NHSL1: variants seen among roughly 807,000 people sequenced by gnomAD.
The protein encoded by NHSL1 is NHS like 1, also known as NHS-like protein 1.
Under a neutral mutation model 95.0 loss-of-function variants are expected in NHSL1, and 48 were observed. The observed-to-expected ratio is 0.51, with a 90% CI of 0.40 to 0.64. The LOEUF is 0.64. Among genes scored for constraint, NHSL1 ranks in the 30% least tolerant of loss-of-function variants. The pLI, the probability that NHSL1 is intolerant of heterozygous loss-of-function variation, is 0.00. For synonymous variants in NHSL1, 783 were observed against 833.9 expected (o/e 0.94, Z 1.05); for missense variants, 1,971 against 2,077.7 (o/e 0.95, Z 1.00).
intron 1 of NHSL1, among the ~76,000 whole-genome samples, chr6:138,661,254 C>T (rs897700531): frequency 6.6e-6 from 1 of 152,070 alleles, no homozygotes; most frequent in African/African-American, 2.4e-5. Flanking sequence ...AAACTGTATA[C>T]CCTTTGACCA....
At chr6:138,535,451 C>G (rs1215981201) in intron 1 of NHSL1, among the ~76,000 whole-genome samples, 1 of 152,058 alleles carries the variant, frequency 6.6e-6, no homozygotes. Context: ...GTAGTCCCAG[C>G]TATTCAAGAA....
chr6:138,601,350 G>A (rs1357141449), intron 1 of NHSL1, among the ~76,000 whole-genome samples: 1 of 152,168 alleles, frequency 6.6e-6, no homozygotes, highest in African/African-American at 2.4e-5. Flanking sequence ...AACACTGCTG[G>A]CAATCTGTTA....
In NHSL1 at chr6:138,436,728, C is replaced by T. The variant is rs561804686; in HGVS notation, c.665-3048G>A. ...GAGGAGTCAATGCCTGTCTTCAAAG[C>T]TTCAAAGGACAAATTGACTCTTGTT... On this transcript the variant is annotated intron_variant, in intron 5 of 7. Transcript: ENST00000343505. Among the ~76,000 whole-genome samples the T allele has an allele frequency of 2.6e-5, 4 of 152,326 alleles. No homozygotes were observed. The East Asian group carries it at 7.7e-4, about 29-fold the overall frequency.
chr6:138,468,017 G>A (rs556561361), intron 3 of NHSL1, among the ~76,000 whole-genome samples: 1 of 152,222 alleles, frequency 6.6e-6, no homozygotes, highest in African/African-American at 2.4e-5. Context: ...CAGAGTGCTG[G>A]GATTACAGGT....
intron 1 of NHSL1, among the ~76,000 whole-genome samples, chr6:138,660,136 G>A (rs756954876): frequency 2.0e-5 from 3 of 152,208 alleles, no homozygotes; most frequent in Non-Finnish European, 4.4e-5. Context: ...ATGAGCTCCA[G>A]TGGCTTAACC....
Position 138,432,072 on chromosome 6 carries a change from G to A in NHSL1, c.2273C>T (p.Ser758Phe). ...CTGCGATGGCGTGGCCCCGCACAGGGAGTAGACATTGGGGGTGGTGGCGGA... is the reference window on the plus strand; with the variant it reads ...CTGCGATGGCGTGGCCCCGCACAGGAAGTAGACATTGGGGGTGGTGGCGGA... Reference protein sequence around the residue: ...MTSATTPNVYSLCGATPSQSD... With the variant: ...MTSATTPNVYFLCGATPSQSD... The change falls in exon 6 of 8, where the codon TCC becomes TTC. Residue 758 changes from serine (S) to phenylalanine (F), a missense_variant. Coordinates refer to ENST00000343505, the MANE Select transcript of NHSL1 (RefSeq NM_001144060.2). The surrounding 1 kb of genome is among the most constrained non-coding windows in gnomAD (Gnocchi z 4.4). 6.4e-7 allele frequency: 1 copy of A among 1,551,694 alleles called. No homozygotes were observed. The highest frequency in any genetic ancestry group is 8.7e-7 in the Non-Finnish European group (1 of 1,146,982).
intron 1 of NHSL1, among the ~76,000 whole-genome samples, chr6:138,580,548 T>G (rs955962125): frequency 4.6e-5 from 7 of 152,262 alleles, no homozygotes; most frequent in Admixed American, 4.6e-4. Context: ...TTTGCCAGTT[T>G]CCATGATATA....
At chr6:138,604,200 C>T (rs958085155) in intron 1 of NHSL1, among the ~76,000 whole-genome samples, 1 of 152,048 alleles carries the variant, frequency 6.6e-6, no homozygotes, top group Non-Finnish European at 1.5e-5. Context: ...TCCCATCAGT[C>T]AACTAAAAAG....
chr6:138,422,998 CT>C lies in NHSL1; in HGVS notation c.*1082del, dbSNP rs1775010206. ...TTCAAGGAAAAAAAAATAGCCATAA[CT>C]TTTTCTTTGGTGTAACCAAAAGGAT... On this transcript the variant is annotated 3_prime_UTR_variant, in exon 8 of 8. Coordinates refer to ENST00000343505, the MANE Select transcript of NHSL1 (RefSeq NM_001144060.2). The C allele has an allele frequency of 6.7e-6, 1 of 148,216 alleles. No individual in the cohort carries two copies. The highest frequency in any genetic ancestry group is 1.5e-5 in the Non-Finnish European group (1 of 67,466). 9.2% of individuals were successfully genotyped at this position (148,216 alleles called of 1,614,324 possible).
chr6:138,667,154 C>A (rs1279979517), intron 1 of NHSL1, among the ~76,000 whole-genome samples: 2 of 152,174 alleles, frequency 1.3e-5, no homozygotes, highest in South Asian at 4.1e-4. Context: ...TCAATACCAC[C>A]TGCTGTCAAT....
chr6:138,681,995 TTC>T (rs1562411852), intron 1 of NHSL1, among the ~76,000 whole-genome samples: 1 of 151,862 alleles, frequency 6.6e-6, no homozygotes, highest in Non-Finnish European at 1.5e-5. Flanking sequence ...TTTTTTTTTT[TTC>T]TGAGACGGAG....
chr6:138,441,002 A>G (rs1176765882), intron 5 of NHSL1, among the ~76,000 whole-genome samples: 2 of 152,236 alleles, frequency 1.3e-5, no homozygotes, highest in African/African-American at 4.8e-5. Flanking sequence ...TATAATAATG[A>G]CCACAGTAGC....
At position 138,431,778 on chromosome 6, in the gene NHSL1, G is replaced by C. The variant is rs1393177828; in HGVS notation, c.2567C>G (p.Ser856Trp). 2 of 1,551,516 alleles carry C rather than the reference G, an allele frequency of 1.3e-6. No homozygotes were observed. Among genetic ancestry groups the C allele is most frequent in the Non-Finnish European group, 1.7e-6 (2 of 1,146,800 alleles). ...AGGGGTGAGTGCTGTGGGTGTATTC[G>C]ACTGGCTGGAATACCCACTGGATGG... ...ISPSSGYSSQ[S>W]NTPTALTPVP... The change falls in exon 6 of 8, where the codon TCG (serine) becomes TGG (tryptophan). Residue 856 changes from serine (S) to tryptophan (W), a missense_variant. This residue lies in a region of NHSL1 where 1,602 missense variants were observed against 1,654.5 expected (regional missense o/e 0.97). Coordinates refer to ENST00000343505, the MANE Select transcript of NHSL1 (RefSeq NM_001144060.2). This position sits in a 1 kb window ranked among gnomAD's most constrained non-coding sequence, Gnocchi z 4.0.
intron 3 of NHSL1, among the ~76,000 whole-genome samples, chr6:138,455,913 A>T (rs1348680993): frequency 6.6e-6 from 1 of 152,226 alleles, no homozygotes; most frequent in Non-Finnish European, 1.5e-5. Flanking sequence ...GAGAGTGGCC[A>T]AATTTTTATA....
upstream of NHSL1, among the ~76,000 whole-genome samples, chr6:138,502,625 G>T (rs1000499945): frequency 3.9e-5 from 6 of 152,088 alleles, no homozygotes; most frequent in Non-Finnish European, 8.8e-5. Flanking sequence ...AAAAGAAAAA[G>T]AAATGTTCTA....
chr6:138,540,845 A>G (rs1459860230), intron 1 of NHSL1, among the ~76,000 whole-genome samples: 2 of 152,120 alleles, frequency 1.3e-5, no homozygotes, highest in Admixed American at 1.3e-4. Flanking sequence ...AGAATTCACC[A>G]CTTTTCTGCT....
chr6:138,584,840 T>C (rs1447999061), intron 1 of NHSL1, among the ~76,000 whole-genome samples: 1 of 152,144 alleles, frequency 6.6e-6, no homozygotes, highest in East Asian at 1.9e-4. Context: ...ACGGAGACAT[T>C]TGTTCCAGAG....
intron 3 of NHSL1, among the ~76,000 whole-genome samples, chr6:138,451,538 T>A (rs969942613): frequency 2.6e-5 from 4 of 152,232 alleles, no homozygotes; most frequent in African/African-American, 9.6e-5. Context: ...CATAGAAGGT[T>A]ATTTCAGAAT....
Position 138,432,586 on chromosome 6 carries a change from A to G in NHSL1, c.1759T>C (p.Leu587=). 6.4e-7 allele frequency: 1 copy of G among 1,551,874 alleles called. No individual in the cohort carries two copies. The highest frequency in any genetic ancestry group is 8.7e-7 in the Non-Finnish European group (1 of 1,146,992). Residue 587 remains leucine (L), a synonymous_variant, in exon 6 of 8, where the codon TTG becomes CTG. Coordinates refer to ENST00000343505, the MANE Select transcript of NHSL1 (RefSeq NM_001144060.2). The surrounding 1 kb of genome is among the most constrained non-coding windows in gnomAD (Gnocchi z 4.4). ...TPTSNMSSCS[L]DQTSNKEDAG... ...TCCTCTTTGTTGGACGTTTGGTCCA[A>G]ACTGCAGCTGCTCATGTTACTTGTG...
Sources: gnomAD v4.1 joint callset for allele counts (sites outside exome capture counted in the v4.1 genomes callset) on GRCh38, gnomAD v4.1.1 for gene constraint, gnomAD v4.1.1 regional missense constraint, Gnocchi (gnomAD v3.1) non-coding constraint, MANE v1.5 for transcripts, NCBI Gene and HGNC (gene_info 2026-07-23, HGNC 2026-07-21) for gene names.